The following JAKMIP3 variants were observed in gnomAD, a reference collection of about 807,000 sequenced individuals.
JAKMIP3 encodes the protein Janus kinase and microtubule interacting protein 3.
JAKMIP3 carries 58 observed loss-of-function variants against 118.5 expected under a neutral mutation model. The observed-to-expected ratio is 0.49, with a 90% CI of 0.40 to 0.61. The LOEUF (loss-of-function observed/expected upper bound fraction) is 0.61, where lower values mean the gene tolerates loss of function less well. Among genes scored for constraint, JAKMIP3 ranks in the 20% least tolerant of loss-of-function variants. The pLI, the probability that JAKMIP3 is intolerant of heterozygous loss-of-function variation, is 0.00. For synonymous variants in JAKMIP3, 486 were observed against 451.2 expected (o/e 1.08, Z -0.98); for missense variants, 950 against 1,109.0 (o/e 0.86, Z 2.04).
intron 2 of JAKMIP3, among the ~76,000 whole-genome samples, chr10:132,113,399 A>G (rs867508746): frequency 2.0e-5 from 3 of 152,204 alleles, no homozygotes; most frequent in African/African-American, 7.2e-5. Context: ...CAGTGACTCC[A>G]CTGTTAGAAA....
chr10:132,039,655 T>C (rs999866668), intron 1 of JAKMIP3, among the ~76,000 whole-genome samples: 4 of 152,270 alleles, frequency 2.6e-5, no homozygotes, highest in African/African-American at 9.6e-5. Flanking sequence ...ACTCCCTCCA[T>C]AGCGCTGGGC....
rs1388735465 is a variant in JAKMIP3 at position 132,168,330 on chromosome 10, T to A, written c.*400T>A. ...CGCGGGTCCCCTCCTCTCTCTTGGTTCTCACAGTAGCTGCCACTGGTGTCT... is the reference window on the plus strand; with the variant it reads ...CGCGGGTCCCCTCCTCTCTCTTGGTACTCACAGTAGCTGCCACTGGTGTCT... On this transcript the variant is annotated 3_prime_UTR_variant, in exon 23 of 24. Coordinates refer to ENST00000684848, the MANE Select transcript of JAKMIP3 (RefSeq NM_001323087.2). The A allele has an allele frequency of 3.9e-6, 5 of 1,289,370 alleles. No homozygotes were observed. In the East Asian group the frequency reaches 2.8e-4, roughly 72 times the overall value. The allele number at this position is 1,289,370 out of a possible 1,614,324, so 79.9% of individuals were successfully genotyped here.
intron 1 of JAKMIP3, among the ~76,000 whole-genome samples, chr10:132,093,114 G>T (rs550384683): frequency 4.3e-4 from 65 of 152,304 alleles, no homozygotes; most frequent in African/African-American, 1.6e-3. Context: ...ATTGCTGCCT[G>T]ATCATTCCTC....
intron 9 of JAKMIP3, 30 bp downstream of exon 9, chr10:132,138,208 G>C (rs1332082320): frequency 7.0e-6 from 11 of 1,580,074 alleles, no homozygotes; most frequent in Non-Finnish European, 9.5e-6. Context: ...CACGTGCGGA[G>C]AGTACGCCGG....
chr10:132,116,214 T>C (rs186619156), intron 2 of JAKMIP3, among the ~76,000 whole-genome samples: 15 of 152,378 alleles, frequency 9.8e-5, no homozygotes, highest in Admixed American at 3.3e-4. Flanking sequence ...ATAAAACCTT[T>C]CAGCGCGTTA....
chr10:132,127,269 G>C (rs1489766123), intron 3 of JAKMIP3, among the ~76,000 whole-genome samples: 1 of 149,586 alleles, frequency 6.7e-6, no homozygotes, highest in Non-Finnish European at 1.5e-5. Flanking sequence ...TGTTGCCCAG[G>C]CTAGAGTGCA....
intron 4 of JAKMIP3, among the ~76,000 whole-genome samples, chr10:132,134,638 G>T (rs1374942337): frequency 3.3e-5 from 5 of 152,192 alleles, no homozygotes; most frequent in Admixed American, 2.6e-4. Context: ...CTCCTGAAGG[G>T]GCAGCGGCAG....
In JAKMIP3 at chr10:132,117,163, G is replaced by C. The variant is rs1312612878; in HGVS notation, c.222G>C (p.Glu74Asp). Residue 74 changes from glutamate to aspartate, a missense_variant, in exon 3 of 24, where the codon GAG (glutamate) becomes GAC (aspartate). Physicochemically the swap from Glu to Asp is conservative, Grantham distance 45. Coordinates refer to ENST00000684848, the MANE Select transcript of JAKMIP3 (RefSeq NM_001323087.2). The surrounding 1 kb of genome is among the most constrained non-coding windows in gnomAD (Gnocchi z 8.6). ...EQHKTAVLLT[E>D]LKTKLHEEKM... is the part of the protein sequence containing the mutation. ...ATAAGACCGCGGTCTTGCTCACGGAGCTCAAGACAAAGCTGCACGAGGAGA... is the reference window on the plus strand; with the variant it reads ...ATAAGACCGCGGTCTTGCTCACGGACCTCAAGACAAAGCTGCACGAGGAGA... The C allele has an allele frequency of 1.2e-6, 2 of 1,613,742 alleles. No individual in the cohort carries two copies. The highest frequency in any genetic ancestry group is 1.7e-6 in the Non-Finnish European group (2 of 1,179,920).
At chr10:132,097,903 T>TTCCCCTTTCCTTCCTTCCTTTTCTTTTC (rs1554928101) in intron 1 of JAKMIP3, among the ~76,000 whole-genome samples, 4,976 of 72,800 alleles carry the variant, frequency 0.068, 746 homozygotes, top group South Asian at 0.19. Context: ...CCCCTTCCCC[T>TTCCCCTTTCCTTCCTTCCTTTTCTTTTC]TCCCCTTCCC....
chr10:132,145,424 G>C (rs1013008720), intron 12 of JAKMIP3, 94 bp from the exon 13 acceptor site: 1 of 1,248,436 alleles, frequency 8.0e-7, no homozygotes, highest in African/African-American at 1.5e-5. Flanking sequence ...ACGCTGGCCA[G>C]ACTGGTCTTT....
chr10:132,104,884 G>A lies in JAKMIP3; in HGVS notation c.76G>A (p.Glu26Lys), dbSNP rs1185753745. 4 of 1,576,860 alleles carry A rather than the reference G, an allele frequency of 2.5e-6. No homozygotes were observed. Among genetic ancestry groups the A allele is most frequent in the Non-Finnish European group, 3.4e-6 (4 of 1,162,014 alleles). The change falls in exon 2 of 24, where the codon GAG (glutamate) becomes AAG (lysine). Residue 26 changes from glutamate (E) to lysine (K), a missense_variant. Physicochemically the swap from Glu to Lys is moderately conservative, Grantham distance 56. Coordinates refer to ENST00000684848, the MANE Select transcript of JAKMIP3 (RefSeq NM_001323087.2). ...CCTCGCGGCGCTGCAGGCGGCCAAC[G>A]AGGATCTTCGAGCCAAGCTCACAGA... ...EALAALQAANEDLRAKLTDIQ... is the reference protein window; with the variant it reads ...EALAALQAANKDLRAKLTDIQ...
At chr10:132,043,333 G>A (rs2037816691) in intron 1 of JAKMIP3, among the ~76,000 whole-genome samples, 1 of 152,020 alleles carries the variant, frequency 6.6e-6, no homozygotes, top group South Asian at 2.1e-4. Context: ...GCCTCCCTAA[G>A]TGCTGGGATT....
chr10:132,038,245 G>A (rs1465721531), intron 1 of JAKMIP3, among the ~76,000 whole-genome samples: 3 of 152,096 alleles, frequency 2.0e-5, no homozygotes. Flanking sequence ...ACTGGTGGTG[G>A]GTTCCGTTCA....
In JAKMIP3 at chr10:132,139,388, GTA is replaced by G. The variant is rs1190925263; in HGVS notation, c.1345-1061_1345-1060del. On this transcript the variant is annotated intron_variant, in intron 9 of 23. Coordinates refer to ENST00000684848, the MANE Select transcript of JAKMIP3 (RefSeq NM_001323087.2). The stretch of plus-strand genomic sequence containing the variant: ...TCTGTACGTGTGTGAGTATGTGAGT[GTA>G]TGAGTATGTGAGTGTGTATGTGTGA... Among the ~76,000 whole-genome samples the G allele has an allele frequency of 7.4e-5, 11 of 148,522 alleles. 2 individuals carry two copies. Among genetic ancestry groups the G allele is most frequent in the South Asian group, 2.1e-4 (1 of 4,694 alleles).
chr10:132,108,371 G>T (rs1224938508), intron 2 of JAKMIP3, among the ~76,000 whole-genome samples: 1 of 152,102 alleles, frequency 6.6e-6, no homozygotes, highest in African/African-American at 2.4e-5. Context: ...CCAGTCCCGG[G>T]GGACAGTGGA....
Position 132,138,111 on chromosome 10 carries a change from T to G in JAKMIP3, c.1285-8T>G. The G allele has an allele frequency of 6.2e-7, 1 of 1,611,252 alleles. No individual in the cohort carries two copies. ...CACTTACACAACCTCTTCAACTGGC[T>G]TCCGCAGGAGCGGGACAAGCTGTTA... is the stretch of plus-strand genomic sequence containing the variant. On this transcript the variant is annotated splice_polypyrimidine_tract_variant and splice_region_variant and intron_variant, in intron 8 of 23. Transcript: ENST00000684848.
intron 1 of JAKMIP3, among the ~76,000 whole-genome samples, chr10:132,094,426 C>G (rs185506591): frequency 1.3e-5 from 2 of 151,986 alleles, no homozygotes; most frequent in African/African-American, 2.4e-5. Context: ...GGCTGTTGCT[C>G]AGATTCTTTT....
In JAKMIP3 at chr10:132,097,918, CCCT is replaced by C. The variant is rs1564892728; in HGVS notation, c.-137-6753_-137-6751del. 4.3e-3 allele frequency among the ~76,000 whole-genome samples: 104 copies of C among 24,044 alleles called. 2 individuals carry two copies. The highest frequency in any genetic ancestry group is 0.011 in the South Asian group (4 of 364). 15.8% of individuals were successfully genotyped at this position (24,044 alleles called of 152,430 possible). On this transcript the variant is annotated intron_variant, in intron 1 of 23. Coordinates refer to ENST00000684848, the MANE Select transcript of JAKMIP3 (RefSeq NM_001323087.2). ...CCCCTTCCCCTTCCCCTTCCCCTTC[CCCT>C]TTCCTTCCCCTTCCCCTTTCCCTTT...
chr10:132,072,290 A>G (rs1277893692), intron 1 of JAKMIP3, among the ~76,000 whole-genome samples: 1 of 152,048 alleles, frequency 6.6e-6, no homozygotes, highest in Non-Finnish European at 1.5e-5. Flanking sequence ...CATGCCTGTA[A>G]TCTCAGCACT....
Sources: gnomAD v4.1 joint callset for allele counts (sites outside exome capture counted in the v4.1 genomes callset) on GRCh38, gnomAD v4.1.1 for gene constraint, Gnocchi (gnomAD v3.1) non-coding constraint, MANE v1.5 for transcripts, NCBI Gene and HGNC (gene_info 2026-07-23, HGNC 2026-07-21) for gene names.